Variants in IL1RAPL2 observed in about 807,000 individuals in gnomAD.
The protein encoded by IL1RAPL2 is interleukin 1 receptor accessory protein like 2.
In IL1RAPL2, 3 loss-of-function variants were observed where a neutral mutation model predicts 44.1. That is an observed-to-expected ratio of 0.07 (90% confidence interval 0.03 to 0.18). IL1RAPL2 has a LOEUF of 0.18. Ranked by LOEUF, IL1RAPL2 falls within the 10% of genes least tolerant of loss-of-function variation. The pLI is 1.00. For synonymous variants in IL1RAPL2, 181 were observed against 178.8 expected, an observed-to-expected ratio of 1.01 and a Z score of -0.10; for missense variants, 391 against 496.4, an observed-to-expected ratio of 0.79 and a Z score of 2.02.
chrX:105,177,625 C>G (rs1436869083), intron 2 of IL1RAPL2, among the ~76,000 whole-genome samples: 1 of 110,659 alleles, frequency 9.0e-6, no homozygotes, highest in Non-Finnish European at 1.9e-5. Context: ...GTTTTATGAA[C>G]TCTCTGAATG....
intron 4 of IL1RAPL2, among the ~76,000 whole-genome samples, chrX:105,253,279 A>G (rs1288568268): frequency 1.8e-5 from 2 of 110,270 alleles, no homozygotes; most frequent in African/African-American, 6.6e-5. Context: ...CTTGTTGGGA[A>G]GTTTCTATTG....
chrX:104,963,990 T>C (rs964227585), intron 2 of IL1RAPL2, among the ~76,000 whole-genome samples: 17 of 109,654 alleles, frequency 1.6e-4, no homozygotes, highest in Non-Finnish European at 2.8e-4. Flanking sequence ...GATATGACCC[T>C]TTATGGATCT....
At chrX:105,466,324 A>G (rs150834557) in intron 5 of IL1RAPL2, among the ~76,000 whole-genome samples, 3,510 of 110,948 alleles carry the variant, frequency 0.032, 152 homozygotes, top group African/African-American at 0.11. Context: ...GCATAAATGA[A>G]TATTATATTG....
At chrX:105,012,961 G>A (rs2031092165) in intron 2 of IL1RAPL2, among the ~76,000 whole-genome samples, 1 of 110,609 alleles carries the variant, frequency 9.0e-6, no homozygotes, top group African/African-American at 3.3e-5. Flanking sequence ...TGGCCGTTGA[G>A]CAGGGTTTCT....
intron 1 of IL1RAPL2, among the ~76,000 whole-genome samples, chrX:104,583,466 T>A (rs1928453039): frequency 8.9e-6 from 1 of 111,767 alleles, no homozygotes; most frequent in Non-Finnish European, 1.9e-5. Flanking sequence ...ATTTGCCTAT[T>A]CTAAGCAATT....
intron 2 of IL1RAPL2, among the ~76,000 whole-genome samples, chrX:104,914,279 G>C (rs755231616): frequency 4.5e-5 from 5 of 111,870 alleles, no homozygotes; most frequent in African/African-American, 1.6e-4. Flanking sequence ...AGCAGGTTTG[G>C]TTAGAAAGGG....
chrX:105,345,688 T>G (rs1012978605), intron 5 of IL1RAPL2, among the ~76,000 whole-genome samples: 1 of 111,512 alleles, frequency 9.0e-6, no homozygotes, highest in African/African-American at 3.3e-5. Flanking sequence ...AAACAAAGTG[T>G]TGTTCCTCGT....
chrX:105,719,537 T>C (rs2038285032), intron 7 of IL1RAPL2, among the ~76,000 whole-genome samples: 1 of 111,373 alleles, frequency 9.0e-6, no homozygotes, highest in South Asian at 3.8e-4. Flanking sequence ...ACCACCACTT[T>C]ATAGTACCAG....
chrX:105,294,178 T>A, intron 5 of IL1RAPL2, among the ~76,000 whole-genome samples: 1 of 111,852 alleles, frequency 8.9e-6, no homozygotes, highest in African/African-American at 3.2e-5. Context: ...CAAGGGGAAA[T>A]TTCCTTATAC....
At chrX:104,634,215 G>A (rs1297108925) in intron 1 of IL1RAPL2, among the ~76,000 whole-genome samples, 1 of 111,511 alleles carries the variant, frequency 9.0e-6, no homozygotes, top group Non-Finnish European at 1.9e-5. Context: ...GAGACAGTTT[G>A]TTATAATTTC....
At chrX:105,189,524 C>A (rs1306826832) in intron 2 of IL1RAPL2, among the ~76,000 whole-genome samples, 1 of 112,236 alleles carries the variant, frequency 8.9e-6, no homozygotes, top group Non-Finnish European at 1.9e-5. Flanking sequence ...AGCCACCGCA[C>A]AGGCTCACAC....
intron 4 of IL1RAPL2, among the ~76,000 whole-genome samples, chrX:105,240,904 C>G (rs1357377162): frequency 9.0e-6 from 1 of 111,120 alleles, no homozygotes; most frequent in Non-Finnish European, 1.9e-5. Context: ...GCAGGCGGAT[C>G]TTTTGAGGTC....
At chrX:104,789,890 C>T (rs1031389243) in intron 2 of IL1RAPL2, among the ~76,000 whole-genome samples, 12 of 112,224 alleles carry the variant, frequency 1.1e-4, no homozygotes, top group Non-Finnish European at 2.1e-4. Flanking sequence ...AAGTGAGTGG[C>T]ATGGGCTATA....
chrX:105,484,104 T>G (rs1315229604), intron 5 of IL1RAPL2, among the ~76,000 whole-genome samples: 1 of 111,716 alleles, frequency 9.0e-6, no homozygotes, highest in East Asian at 2.8e-4. Context: ...AAATGGCCTA[T>G]TTACAGTGAA....
intron 1 of IL1RAPL2, among the ~76,000 whole-genome samples, chrX:104,627,572 C>T (rs1251558133): frequency 2.7e-5 from 3 of 111,314 alleles, no homozygotes; most frequent in Non-Finnish European, 5.6e-5. Flanking sequence ...TTTGCTTATC[C>T]TTAATCACTT....
intron 1 of IL1RAPL2, among the ~76,000 whole-genome samples, chrX:104,606,387 G>A: frequency 8.9e-6 from 1 of 111,850 alleles, no homozygotes; most frequent in Non-Finnish European, 1.9e-5. Context: ...AAAAGTGGAA[G>A]CATTCCCTTT....
intron 6 of IL1RAPL2, among the ~76,000 whole-genome samples, chrX:105,648,903 G>T (rs2037624961): frequency 9.0e-6 from 1 of 111,378 alleles, no homozygotes; most frequent in Non-Finnish European, 1.9e-5. Flanking sequence ...TGTGGTCGCA[G>T]AGCCCTAGGC....
At chrX:105,404,112 C>T (rs1440553476) in intron 5 of IL1RAPL2, among the ~76,000 whole-genome samples, 5 of 111,766 alleles carry the variant, frequency 4.5e-5, no homozygotes, top group Non-Finnish European at 9.4e-5. Flanking sequence ...TGTCCCTCAA[C>T]TAGTCTTAGA....
At chrX:104,922,563 A>G (rs754578367) in intron 2 of IL1RAPL2, among the ~76,000 whole-genome samples, 1 of 112,317 alleles carries the variant, frequency 8.9e-6, no homozygotes, top group East Asian at 2.8e-4. Flanking sequence ...TCAATGAATT[A>G]ATACAGAGTG....
Sources: gnomAD v4.1 joint callset for allele counts (sites outside exome capture counted in the v4.1 genomes callset) on GRCh38, gnomAD v4.1.1 for gene constraint, MANE v1.5 for transcripts, NCBI Gene and HGNC (gene_info 2026-07-23, HGNC 2026-07-21) for gene names.